Variants in FOXK2 observed in about 807,000 individuals in gnomAD.
FOXK2 encodes forkhead box protein K2.
In FOXK2, 24 loss-of-function variants were observed where a neutral mutation model predicts 53.3. The ratio of observed to expected loss-of-function variants is 0.45; its 90% CI spans 0.33 to 0.63. The LOEUF (loss-of-function observed/expected upper bound fraction) is 0.63, where lower values mean the gene tolerates loss of function less well. FOXK2 is among the 30% of genes least tolerant of loss of function. The pLI, the probability that FOXK2 is intolerant of heterozygous loss-of-function variation, is 0.03. For missense variants in FOXK2, 952 were observed against 910.5 expected, an observed-to-expected ratio of 1.05 and a Z score of -0.59; for synonymous variants, 505 against 407.1, an observed-to-expected ratio of 1.24 and a Z score of -2.89.
chr17:82,559,041 G>A (rs546799036), intron 1 of FOXK2, among the ~76,000 whole-genome samples: 15 of 152,134 alleles, frequency 9.9e-5, no homozygotes, highest in Non-Finnish European at 1.9e-4. Context: ...GAGCCACTGC[G>A]CCTGGCCCAC....
intron 1 of FOXK2, among the ~76,000 whole-genome samples, chr17:82,556,731 T>A (rs2144102713): frequency 6.6e-6 from 1 of 152,116 alleles, no homozygotes; most frequent in African/African-American, 2.4e-5. Flanking sequence ...GACGGAGTCT[T>A]TGTCACCCAG....
At chr17:82,579,502 C>T (rs1311499038) in intron 4 of FOXK2, among the ~76,000 whole-genome samples, 1 of 150,048 alleles carries the variant, frequency 6.7e-6, no homozygotes, top group Non-Finnish European at 1.5e-5. Context: ...GCCCAGATCC[C>T]TCCCACACAT....
chr17:82,586,397 TGGGCGGGGGGGAA>T (rs1567985206), intron 7 of FOXK2, among the ~76,000 whole-genome samples, 197 bp downstream of exon 7: 14 of 118,300 alleles, frequency 1.2e-4, no homozygotes, highest in South Asian at 5.3e-4. Flanking sequence ...AGGTGAAAGG[TGGGCGGGGGGGAA>T]AGGAGGAGAG....
intron 8 of FOXK2, among the ~76,000 whole-genome samples, chr17:82,591,617 G>A (rs546725265): frequency 2.0e-4 from 30 of 152,332 alleles, no homozygotes; most frequent in African/African-American, 7.0e-4. Context: ...GGAAAGGAAA[G>A]CCTGGCATTT....
intron 7 of FOXK2, among the ~76,000 whole-genome samples, chr17:82,586,485 AGGTCAAAGGTGGGCCGGG>A: frequency 2.6e-5 from 1 of 39,126 alleles, no homozygotes; most frequent in Non-Finnish European, 4.7e-5. Context: ...GACCACAGGG[AGGTCAAAGGTGGGCCGGG>A]GGGGAAAGGA....
At chr17:82,545,049 TC>T (rs2044611619) in intron 1 of FOXK2, among the ~76,000 whole-genome samples, 1 of 152,198 alleles carries the variant, frequency 6.6e-6, no homozygotes, top group African/African-American at 2.4e-5. Flanking sequence ...TCTTCCTTCT[TC>T]CCCATTGCTG....
At chr17:82,577,045 C>A in intron 4 of FOXK2, 2 of 416,780 alleles carry the variant, frequency 4.8e-6, no homozygotes, top group East Asian at 9.4e-5. Flanking sequence ...GCCTGTAATC[C>A]CAGCTACTCA....
chr17:82,539,553 G>A (rs2044554464), intron 1 of FOXK2, among the ~76,000 whole-genome samples: 1 of 152,146 alleles, frequency 6.6e-6, no homozygotes, highest in Non-Finnish European at 1.5e-5. Context: ...GGAGGCTGAG[G>A]TGGGAGGATT....
chr17:82,568,311 GGGCATC>G, intron 3 of FOXK2, 110 bp downstream of exon 3: 2 of 1,292,882 alleles, frequency 1.5e-6, no homozygotes, highest in Admixed American at 2.3e-5. Context: ...AGCCCTGCCA[GGGCATC>G]GGTGGGGATG....
chr17:82,541,138 G>T (rs1382081638), intron 1 of FOXK2, among the ~76,000 whole-genome samples: 1 of 152,170 alleles, frequency 6.6e-6, no homozygotes, highest in Admixed American at 6.6e-5. Flanking sequence ...TTTAGCATAG[G>T]TGTCAGTGGG....
chr17:82,522,801 A>G (rs1455570429), intron 1 of FOXK2, among the ~76,000 whole-genome samples: 1 of 151,592 alleles, frequency 6.6e-6, no homozygotes. Context: ...CAGAATTCAG[A>G]CCTTATTTTT....
chr17:82,560,993 C>G (rs1339329533), intron 1 of FOXK2, among the ~76,000 whole-genome samples: 1 of 152,132 alleles, frequency 6.6e-6, no homozygotes, highest in African/African-American at 2.4e-5. Context: ...TCAAGCAATC[C>G]TCCCTCCCCA....
chr17:82,564,186 C>G (rs1321145324), intron 2 of FOXK2, among the ~76,000 whole-genome samples: 2 of 147,330 alleles, frequency 1.4e-5, no homozygotes, highest in Admixed American at 1.4e-4. Context: ...CTCCCAGGTT[C>G]AAGTGATTCT....
intron 5 of FOXK2, 25 bp downstream of exon 5, chr17:82,582,959 C>A: frequency 6.6e-7 from 1 of 1,505,962 alleles, no homozygotes; most frequent in Non-Finnish European, 8.9e-7. Flanking sequence ...GAACAAAAGG[C>A]CTCACTTCGT....
At position 82,548,157 on chromosome 17, in the gene FOXK2, G is replaced by A. The variant is rs183412390; in HGVS notation, c.420-15197G>A. On this transcript the variant is annotated intron_variant, in intron 1 of 8. Coordinates refer to ENST00000335255, the MANE Select transcript of FOXK2 (RefSeq NM_004514.4). ...TCTCTTGGCAGATAACTACAAGTAC[G>A]AGTGGTGGGGCCAGGTGGTCAGTGT... 2.6e-5 allele frequency among the ~76,000 whole-genome samples: 4 copies of A among 152,332 alleles called. No homozygotes were observed. The South Asian group carries it at 6.2e-4, about 24-fold the overall frequency.
At chr17:82,542,287 G>A (rs983660972) in intron 1 of FOXK2, among the ~76,000 whole-genome samples, 3 of 150,892 alleles carry the variant, frequency 2.0e-5, no homozygotes, top group Non-Finnish European at 4.4e-5. Context: ...TCAGCCTCCC[G>A]AGTAGCTGGG....
At chr17:82,528,223 A>G (rs553929791) in intron 1 of FOXK2, among the ~76,000 whole-genome samples, 3 of 152,338 alleles carry the variant, frequency 2.0e-5, no homozygotes, top group Admixed American at 1.3e-4. Flanking sequence ...AGCTCTGTGC[A>G]TGATTGGTGG....
At chr17:82,571,990 C>G (rs931713834) in intron 4 of FOXK2, 120 bp downstream of exon 4, 1 of 977,102 alleles carries the variant, frequency 1.0e-6, no homozygotes, top group Non-Finnish European at 1.4e-6. Flanking sequence ...TGGAGCCTCC[C>G]GTGCTGAGAG....
chr17:82,556,221 G>A (rs1260566662), intron 1 of FOXK2, among the ~76,000 whole-genome samples: 2 of 152,024 alleles, frequency 1.3e-5, no homozygotes, highest in African/African-American at 4.8e-5. Context: ...CGAGGTGGGC[G>A]GATCATGAGG....
Sources: allele counts gnomAD v4.1 joint callset (sites outside exome capture counted in the v4.1 genomes callset), GRCh38; gene constraint gnomAD v4.1.1; transcripts MANE v1.5; gene names NCBI Gene and HGNC (gene_info 2026-07-23, HGNC 2026-07-21).